The following NUDT5 variants were observed in gnomAD, a reference collection of about 807,000 sequenced individuals.
NUDT5 encodes ADP-sugar pyrophosphatase.
NUDT5 carries 21 observed loss-of-function variants against 34.1 expected under a neutral mutation model. That is an observed-to-expected ratio of 0.62 (90% CI 0.44 to 0.89). NUDT5 has a LOEUF of 0.89. Ranked by LOEUF, NUDT5 falls within the 40% of genes least tolerant of loss-of-function variation. The pLI is 0.00. For synonymous variants in NUDT5, 85 were observed against 97.6 expected (o/e 0.87, Z 0.76); for missense variants, 249 against 274.8 (o/e 0.91, Z 0.66).
rs1393788232 is a variant in NUDT5, at chr10:12,170,875, G to A, written c.496+25C>T. 26 of 1,613,642 alleles carry A rather than the reference G, an allele frequency of 1.6e-5. No homozygotes were observed. Among genetic ancestry groups the A allele is most frequent in the Middle Eastern group, 3.3e-4 (2 of 6,080 alleles). ...CCACTACACTAAGTCATACACGCTC[G>A]GCCACCAGGAGTTGCAGAACATACC... On this transcript the variant is annotated intron_variant, in intron 8 of 9. Coordinates refer to ENST00000491614, the MANE Select transcript of NUDT5 (RefSeq NM_014142.4). This position sits in a 1 kb window ranked among gnomAD's most constrained non-coding sequence, Gnocchi z 4.9.
chr10:12,188,547 A>G (rs1362512017), intron 1 of NUDT5, among the ~76,000 whole-genome samples: 2 of 151,880 alleles, frequency 1.3e-5, no homozygotes, highest in Non-Finnish European at 2.9e-5. Flanking sequence ...CCTGGCCAAC[A>G]TGGTGAAACC....
chr10:12,178,023 G>C, intron 4 of NUDT5, 123 bp from the exon 5 acceptor site: 1 of 598,850 alleles, frequency 1.7e-6, no homozygotes. Context: ...CTACAATACT[G>C]GCAGTTAATA....
rs548488768 is a variant in NUDT5 at position 12,171,049 on chromosome 10, A to G, written c.488-141T>C. The stretch of plus-strand genomic sequence containing the variant: ...GCTAACTTAATTTATATACATTGTC[A>G]AACTCGAGCAGTATGAAGTTATTGT... On this transcript the variant is annotated intron_variant, in intron 7 of 9. Transcript: ENST00000491614. The surrounding 1 kb of genome is among the most constrained non-coding windows in gnomAD (Gnocchi z 4.2). The G allele has an allele frequency of 3.5e-6, 3 of 845,830 alleles. No homozygotes were observed. Among genetic ancestry groups the G allele is most frequent in the South Asian group, 3.3e-5 (2 of 59,730 alleles). The allele number at this position is 845,830 out of a possible 1,614,324, so 52.4% of individuals were successfully genotyped here.
At chr10:12,179,164 A>C in intron 3 of NUDT5, 32 bp from the exon 4 acceptor site, 5 of 1,591,794 alleles carry the variant, frequency 3.1e-6, no homozygotes, top group Non-Finnish European at 4.3e-6. Context: ...AAAAGTCATT[A>C]GTGCTACAGA....
chr10:12,183,296 G>C (rs961973866), intron 3 of NUDT5, among the ~76,000 whole-genome samples: 4 of 152,208 alleles, frequency 2.6e-5, no homozygotes, highest in Admixed American at 6.5e-5. Flanking sequence ...TAAGTGAAGA[G>C]TTACAGTCTT....
At position 12,172,763 on chromosome 10, in the gene NUDT5, AC is replaced by A. The variant is rs1353233526; in HGVS notation, c.487+1del. 6.2e-7 allele frequency: 1 copy of A among 1,609,014 alleles called. No individual in the cohort carries two copies. The highest frequency in any genetic ancestry group is 1.7e-5 in the Admixed American group (1 of 59,992). The stretch of plus-strand genomic sequence containing the variant: ...CCTTCATCACAGCCGACACACACAT[AC>A]CTGGCTTTGGCTTCGGCCTTGCGTT... On this transcript the variant is annotated splice_donor_variant, in intron 7 of 9. Coordinates refer to ENST00000491614, the MANE Select transcript of NUDT5 (RefSeq NM_014142.4). LOFTEE classifies it high-confidence loss of function.
rs548855258 is a variant in NUDT5, at chr10:12,167,163, T to C, written c.*539A>G. 6.3e-6 allele frequency: 1 copy of C among 159,762 alleles called. No individual in the cohort carries two copies. Among genetic ancestry groups the C allele is most frequent in the African/African-American group, 2.4e-5 (1 of 41,594 alleles). 9.9% of individuals were successfully genotyped at this position (159,762 alleles called of 1,614,324 possible). A position where few individuals can be genotyped will look rare whatever the true frequency, so the allele number is the denominator to read the frequency against. ...AGTAAATAGATGAACTGAAAACTAG[T>C]AGAGGATTCTATCGAACCCTACCCT... is the stretch of plus-strand genomic sequence containing the variant. On this transcript the variant is annotated 3_prime_UTR_variant, in exon 10 of 10. Transcript: ENST00000491614.
intron 1 of NUDT5, among the ~76,000 whole-genome samples, chr10:12,194,234 C>T (rs535564907): frequency 1.3e-5 from 2 of 152,356 alleles, no homozygotes; most frequent in African/African-American, 4.8e-5. Flanking sequence ...GCTATGTTCC[C>T]GGGATCTATT....
At chr10:12,184,383 G>T (rs1195168261) in intron 3 of NUDT5, 1 of 954,370 alleles carries the variant, frequency 1.0e-6, no homozygotes. Flanking sequence ...TTAAAACTGG[G>T]ATTACTCGGT....
At chr10:12,191,242 G>C (rs983035255) in intron 1 of NUDT5, among the ~76,000 whole-genome samples, 8 of 152,092 alleles carry the variant, frequency 5.3e-5, no homozygotes, top group Non-Finnish European at 1.2e-4. Context: ...AAATTAGCCA[G>C]GCTTGGTGGT....
intron 3 of NUDT5, among the ~76,000 whole-genome samples, chr10:12,180,884 C>T (rs1185308260): frequency 6.6e-6 from 1 of 152,214 alleles, no homozygotes; most frequent in Non-Finnish European, 1.5e-5. Context: ...AGTTCACCAA[C>T]ACAAGAGGCG....
rs548723573 is a variant in NUDT5 at position 12,169,617 on chromosome 10, C to T, written c.550+1100G>A. Reference sequence around the variant, plus strand: ...TGTTCTAACTCTGGCTTTGAGCTGTCGAGGTGGCTTCTACCTTAGGTCTAG... The same window carrying T: ...TGTTCTAACTCTGGCTTTGAGCTGTTGAGGTGGCTTCTACCTTAGGTCTAG... On this transcript the variant is annotated intron_variant, in intron 9 of 9. Transcript: ENST00000491614. The surrounding 1 kb of genome is among the most constrained non-coding windows in gnomAD (Gnocchi z 4.8). 11 of 277,174 alleles carry T rather than the reference C, an allele frequency of 4.0e-5. No individual in the cohort carries two copies. Among genetic ancestry groups the T allele is most frequent in the South Asian group, 9.2e-5 (1 of 10,818 alleles). 17.2% of individuals were successfully genotyped at this position (277,174 alleles called of 1,614,324 possible).
At position 12,173,155 on chromosome 10, in the gene NUDT5, A is replaced by C. The variant is rs558727139; in HGVS notation, c.386-289T>G. On this transcript the variant is annotated intron_variant, in intron 6 of 9. Transcript: ENST00000491614. This position sits in a 1 kb window ranked among gnomAD's most constrained non-coding sequence, Gnocchi z 4.7. ...AAAAAAATCTTCCAGTGATGAGGGT[A>C]GCACATGCATGAGATGGGTGAGCAA... Among the ~76,000 whole-genome samples the C allele has an allele frequency of 6.6e-6, 1 of 152,362 alleles. No homozygotes were observed. Among genetic ancestry groups the C allele is most frequent in the Non-Finnish European group, 1.5e-5 (1 of 68,030 alleles).
Position 12,170,654 on chromosome 10 carries a change from A to G in NUDT5, c.550+63T>C, listed in dbSNP as rs966736341. On this transcript the variant is annotated intron_variant, in intron 9 of 9. Transcript: ENST00000491614. This position sits in a 1 kb window ranked among gnomAD's most constrained non-coding sequence, Gnocchi z 4.9. ...AGAAATGGAGTTATATTTAGTACCC[A>G]GTTTGCTGGGATGGGGACGGGGAGA... 1 of 1,433,686 alleles carries G rather than the reference A, an allele frequency of 7.0e-7. No homozygotes were observed. The highest frequency in any genetic ancestry group is 1.4e-5 in the African/African-American group (1 of 71,154). 88.8% of individuals were successfully genotyped at this position (1,433,686 alleles called of 1,614,324 possible). A position where few individuals can be genotyped will look rare whatever the true frequency, so the allele number is the denominator to read the frequency against.
At chr10:12,174,569 G>A (rs917011196) in intron 5 of NUDT5, among the ~76,000 whole-genome samples, 3 of 152,182 alleles carry the variant, frequency 2.0e-5, no homozygotes, top group African/African-American at 7.2e-5. Context: ...GAGCCACTGT[G>A]CCCAGCTTGG....
intron 3 of NUDT5, among the ~76,000 whole-genome samples, chr10:12,183,115 C>G (rs1269295601): frequency 1.3e-5 from 2 of 152,174 alleles, no homozygotes; most frequent in Non-Finnish European, 2.9e-5. Flanking sequence ...AAAAGAGAAC[C>G]AAACTGTATC....
chr10:12,186,405 C>CA, intron 1 of NUDT5, 73 bp from the exon 2 acceptor site: 1 of 844,740 alleles, frequency 1.2e-6, no homozygotes, highest in Non-Finnish European at 2.0e-6. Context: ...GGACACTAGT[C>CA]AAAGTACTTA....
chr10:12,169,845 C>T lies in NUDT5; in HGVS notation c.550+872G>A. 1 of 346,782 alleles carries T rather than the reference C, an allele frequency of 2.9e-6. No individual in the cohort carries two copies. The highest frequency in any genetic ancestry group is 5.2e-6 in the Non-Finnish European group (1 of 193,330). 21.5% of individuals were successfully genotyped at this position (346,782 alleles called of 1,614,324 possible). ...AAAGCTTAAGAAACTGGTCTTAAAG[C>T]TTCAGGCCAAACAATGCTTCAAATC... On this transcript the variant is annotated intron_variant, in intron 9 of 9. Coordinates refer to ENST00000491614, the MANE Select transcript of NUDT5 (RefSeq NM_014142.4). The surrounding 1 kb of genome is among the most constrained non-coding windows in gnomAD (Gnocchi z 4.8).
intron 5 of NUDT5, among the ~76,000 whole-genome samples, chr10:12,177,568 G>A (rs1327065098): frequency 1.3e-5 from 2 of 152,218 alleles, no homozygotes; most frequent in Admixed American, 1.3e-4. Flanking sequence ...GCATTGCCAA[G>A]AGGAGGTTGG....
Sources: allele counts gnomAD v4.1 joint callset (sites outside exome capture counted in the v4.1 genomes callset), GRCh38; gene constraint gnomAD v4.1.1; non-coding constraint Gnocchi (gnomAD v3.1); transcripts MANE v1.5; gene names NCBI Gene and HGNC (gene_info 2026-07-23, HGNC 2026-07-21).